Variants in PSEN1 observed in about 807,000 individuals in gnomAD.
The protein encoded by PSEN1 is presenilin-1.
Under a neutral mutation model 53.5 loss-of-function variants are expected in PSEN1, and 15 were observed. That is an observed-to-expected ratio of 0.28 (90% confidence interval 0.19 to 0.43). PSEN1 has a LOEUF of 0.43. Ranked by LOEUF, PSEN1 falls within the 20% of genes least tolerant of loss-of-function variation. The pLI is 1.00. For missense variants in PSEN1, 387 were observed against 571.2 expected (o/e 0.68, Z 3.29); for synonymous variants, 208 against 209.8 (o/e 0.99, Z 0.08).
intron 1 of PSEN1, chr14:73,138,226 A>ATTTT (rs1249185192): frequency 7.1e-6 from 1 of 141,024 alleles, no homozygotes; most frequent in Admixed American, 7.0e-5. Context: ...TTATTTATTT[A>ATTTT]TTTATTTTTT....
chr14:73,209,804 A>T (rs1899604794), intron 9 of PSEN1, among the ~76,000 whole-genome samples: 1 of 152,208 alleles, frequency 6.6e-6, no homozygotes, highest in Non-Finnish European at 1.5e-5. Flanking sequence ...GAGGGACAAC[A>T]TGAGCAAGGG....
rs1195945223 is a variant in PSEN1 at position 73,206,423 on chromosome 14, C to A, written c.906C>A (p.Asp302Glu). 6.2e-7 allele frequency: 1 copy of A among 1,613,888 alleles called. No individual in the cohort carries two copies. The highest frequency in any genetic ancestry group is 1.3e-5 in the African/African-American group (1 of 74,890). Residue 302 changes from aspartate to glutamate, a missense_variant, in exon 9 of 12, where the codon GAC (aspartate) becomes GAA (glutamate). Asp to Glu is a conservative substitution (Grantham distance 45). Around this residue, in one of 4 missense-constraint regions of PSEN1, gnomAD observed 169 missense variants for 299.7 expected, o/e 0.56. Coordinates refer to ENST00000324501, the MANE Select transcript of PSEN1 (RefSeq NM_000021.4). ...MVWLVNMAEG[D>E]PEAQRRVSKN... ...GGTTGGTGAATATGGCAGAAGGAGACCCGGAAGCTCAAAGGAGAGTATCCA... is the reference window on the plus strand; with the variant it reads ...GGTTGGTGAATATGGCAGAAGGAGAACCGGAAGCTCAAAGGAGAGTATCCA...
chr14:73,184,697 A>ACCC (rs766164212), intron 5 of PSEN1, among the ~76,000 whole-genome samples: 1 of 127,382 alleles, frequency 7.9e-6, no homozygotes, highest in Admixed American at 8.1e-5. Context: ...CGGGGGGCTG[A>ACCC]CCCCCCCACC....
At chr14:73,183,132 T>C (rs1898275243) in intron 5 of PSEN1, among the ~76,000 whole-genome samples, 1 of 152,106 alleles carries the variant, frequency 6.6e-6, no homozygotes, top group African/African-American at 2.4e-5. Flanking sequence ...TTTTTTGTTT[T>C]TTTGAGATGG....
chr14:73,165,934 T>C (rs979299870), intron 3 of PSEN1, among the ~76,000 whole-genome samples: 1 of 151,882 alleles, frequency 6.6e-6, no homozygotes, highest in Non-Finnish European at 1.5e-5. Flanking sequence ...TGGATGCCGA[T>C]AATCCCAGCT....
rs201908084 is a variant in PSEN1 at position 73,219,408 on chromosome 14, T to C, written c.*119T>C. 5.6e-5 allele frequency: 65 copies of C among 1,167,520 alleles called. No homozygotes were observed. The highest frequency in any genetic ancestry group is 7.0e-5 in the Non-Finnish European group (55 of 787,744). 72.3% of individuals were successfully genotyped at this position (1,167,520 alleles called of 1,614,324 possible). ...AAAGTCAAGATTCCCGGCTGGACTT[T>C]TGCAGCTTCCTTCCAAGTCTTCCTG... On this transcript the variant is annotated 3_prime_UTR_variant, in exon 12 of 12. Coordinates refer to ENST00000324501, the MANE Select transcript of PSEN1 (RefSeq NM_000021.4).
At chr14:73,139,584 A>G (rs1182720414) in intron 1 of PSEN1, among the ~76,000 whole-genome samples, 1 of 152,206 alleles carries the variant, frequency 6.6e-6, no homozygotes, top group Non-Finnish European at 1.5e-5. Flanking sequence ...CATAAGAAAA[A>G]AAGAAAAAAA....
At chr14:73,158,282 T>TTTCTA (rs1555351589) in intron 3 of PSEN1, among the ~76,000 whole-genome samples, 1 of 141,464 alleles carries the variant, frequency 7.1e-6, no homozygotes, top group African/African-American at 2.7e-5. Flanking sequence ...TAACTTTTTT[T>TTTCTA]TCTATCTATC....
intron 4 of PSEN1, 148 bp downstream of exon 4, chr14:73,171,195 G>T: frequency 1.1e-6 from 1 of 920,332 alleles, no homozygotes; most frequent in Non-Finnish European, 1.7e-6. Flanking sequence ...AGTTGAGAGA[G>T]CGAGGGGTTA....
intron 5 of PSEN1, among the ~76,000 whole-genome samples, chr14:73,184,957 C>T (rs1213897083): frequency 6.6e-6 from 1 of 151,470 alleles, no homozygotes; most frequent in Non-Finnish European, 1.5e-5. Context: ...GTGCTCCTCA[C>T]ATCCCAGACG....
At chr14:73,192,945 T>A in intron 7 of PSEN1, 81 bp downstream of exon 7, 4 of 1,079,628 alleles carry the variant, frequency 3.7e-6, no homozygotes, top group Non-Finnish European at 4.3e-6. Context: ...TTATCTTGAT[T>A]TAGAGAAAAT....
intron 6 of PSEN1, 141 bp downstream of exon 6, chr14:73,187,061 A>G: frequency 1.4e-6 from 1 of 725,926 alleles, no homozygotes; most frequent in East Asian, 2.6e-5. Flanking sequence ...TTGGTATATA[A>G]AAGACTAGTC....
At position 73,178,219 on chromosome 14, in the gene PSEN1, C is replaced by CT. The variant is rs34023728; in HGVS notation, c.480+4530dup. ...CAGGTGTGAGCCACCACACCCGGCC[C>CT]TTTTTTTTTTTTTTTTTTGAGACCG... is the stretch of plus-strand genomic sequence containing the variant. On this transcript the variant is annotated intron_variant, in intron 5 of 11. Coordinates refer to ENST00000324501, the MANE Select transcript of PSEN1 (RefSeq NM_000021.4). Among the ~76,000 whole-genome samples the CT allele has an allele frequency of 5.7e-3, 730 of 127,966 alleles. 4 individuals are homozygous for CT. Among genetic ancestry groups the CT allele is most frequent in the African/African-American group, 0.01 (355 of 33,828 alleles). 84.0% of individuals were successfully genotyped at this position (127,966 alleles called of 152,430 possible).
intron 8 of PSEN1, among the ~76,000 whole-genome samples, chr14:73,201,242 C>T (rs991570672): frequency 6.6e-6 from 1 of 152,086 alleles, no homozygotes; most frequent in Non-Finnish European, 1.5e-5. Flanking sequence ...CACACGCCGC[C>T]ACGCCCGGCT....
intron 9 of PSEN1, among the ~76,000 whole-genome samples, chr14:73,208,548 G>A (rs1899547231): frequency 6.6e-6 from 1 of 152,048 alleles, no homozygotes; most frequent in Non-Finnish European, 1.5e-5. Flanking sequence ...CATCATCTCT[G>A]CAGCCCTCAG....
At chr14:73,159,272 C>G (rs77002412) in intron 3 of PSEN1, among the ~76,000 whole-genome samples, 1 of 151,864 alleles carries the variant, frequency 6.6e-6, no homozygotes, top group African/African-American at 2.4e-5. Flanking sequence ...GCCTCAAACT[C>G]CTGAGCTCAA....
chr14:73,149,814 C>G (rs1243444301), intron 3 of PSEN1, among the ~76,000 whole-genome samples: 1 of 152,196 alleles, frequency 6.6e-6, no homozygotes, highest in Non-Finnish European at 1.5e-5. Flanking sequence ...AGTACTATTA[C>G]AGTTCTATAT....
intron 3 of PSEN1, among the ~76,000 whole-genome samples, chr14:73,164,811 G>T (rs1897658546): frequency 6.6e-6 from 1 of 152,154 alleles, no homozygotes; most frequent in South Asian, 2.1e-4. Context: ...ATAGTCTTCT[G>T]ATTAGTTGGA....
At chr14:73,171,102 G>C in intron 4 of PSEN1, 55 bp downstream of exon 4, 1 of 1,604,048 alleles carries the variant, frequency 6.2e-7, no homozygotes, top group Non-Finnish European at 8.5e-7. Context: ...TTTCTTTACA[G>C]CATGTCATCA....
Sources: allele counts gnomAD v4.1 joint callset (sites outside exome capture counted in the v4.1 genomes callset), GRCh38; gene constraint gnomAD v4.1.1; regional missense constraint gnomAD v4.1.1; transcripts MANE v1.5; gene names NCBI Gene and HGNC (gene_info 2026-07-23, HGNC 2026-07-21).